The following RASAL1 variants were observed in gnomAD, a reference collection of about 807,000 sequenced individuals.
RASAL1 encodes the protein RAS protein activator like 1, also known as rasGAP-activating-like protein 1.
A neutral mutation model predicts 96.6 loss-of-function variants in RASAL1; 72 were observed. The ratio of observed to expected loss-of-function variants is 0.75; its 90% CI spans 0.62 to 0.91. The LOEUF (loss-of-function observed/expected upper bound fraction) is 0.91. RASAL1 is among the 40% of genes least tolerant of loss of function. The pLI, the probability that RASAL1 is intolerant of heterozygous loss-of-function variation, is 0.00. For missense variants in RASAL1, 1,016 were observed against 1,072.5 expected, an observed-to-expected ratio of 0.95 and a Z score of 0.74; for synonymous variants, 405 against 430.4, an observed-to-expected ratio of 0.94 and a Z score of 0.73.
intron 4 of RASAL1, among the ~76,000 whole-genome samples, chr12:113,124,686 G>T (rs1951419080): frequency 6.6e-6 from 1 of 152,196 alleles, no homozygotes; most frequent in African/African-American, 2.4e-5. Flanking sequence ...CTGTATATTG[G>T]AGATCATTCT....
chr12:113,132,296 G>A (rs1951747878), intron 1 of RASAL1, among the ~76,000 whole-genome samples: 1 of 152,036 alleles, frequency 6.6e-6, no homozygotes, highest in Admixed American at 6.6e-5. Flanking sequence ...TATGCGTTTA[G>A]TATTGTCTCC....
intron 1 of RASAL1, among the ~76,000 whole-genome samples, chr12:113,134,801 T>G (rs991328604): frequency 3.3e-5 from 5 of 152,104 alleles, no homozygotes. Flanking sequence ...GAATTGGCTC[T>G]TCAAGCAGCT....
rs781529188 is a variant in RASAL1 at position 113,107,240 on chromosome 12, G to A, written c.1514C>T (p.Ala505Val). ...GCCCAGGTTTCCAATGCTCTGCACA[G>A]CCTGGAGCAAAGAAGCGAGGGATGC... ...TSRSLLLLAKAVQSIGNLGQQ... is the reference protein window; with the variant it reads ...TSRSLLLLAKVVQSIGNLGQQ... The change falls in exon 15 of 21, where the codon GCT (alanine) becomes GTT (valine). Residue 505 changes from alanine (A) to valine (V), a missense_variant and splice_region_variant. Coordinates refer to ENST00000548055, the MANE Select transcript of RASAL1 (RefSeq NM_001301202.2). 6.3e-7 allele frequency: 1 copy of A among 1,596,658 alleles called. No individual in the cohort carries two copies. The highest frequency in any genetic ancestry group is 8.5e-7 in the Non-Finnish European group (1 of 1,170,642).
At position 113,114,905 on chromosome 12, in the gene RASAL1, C is replaced by A. The variant is rs764933227; in HGVS notation, c.1076G>T (p.Gly359Val). 1 of 1,613,516 alleles carries A rather than the reference C, an allele frequency of 6.2e-7. No homozygotes were observed. The highest frequency in any genetic ancestry group is 8.5e-7 in the Non-Finnish European group (1 of 1,179,682). The change falls in exon 12 of 21, where the codon GGC becomes GTC. Residue 359 changes from glycine to valine, a missense_variant. Coordinates refer to ENST00000548055, the MANE Select transcript of RASAL1 (RefSeq NM_001301202.2). ...KSMEQFMKLV[G>V]MPYLHEVLKP... The stretch of plus-strand genomic sequence containing the variant: ...CAGGACCTCGTGCAGGTAGGGCATG[C>A]CCACGAGCTGGGGGCAGGGGGCACC...
Position 113,104,045 on chromosome 12 carries a change from G to T in RASAL1, c.2005C>A (p.Arg669Ser). 6.6e-7 allele frequency: 1 copy of T among 1,512,740 alleles called. No homozygotes were observed. Among genetic ancestry groups the T allele is most frequent in the Non-Finnish European group, 8.9e-7 (1 of 1,121,414 alleles). 93.7% of individuals were successfully genotyped at this position (1,512,740 alleles called of 1,614,324 possible). A position where few individuals can be genotyped will look rare whatever the true frequency, so the allele number is the denominator to read the frequency against. ...NELNQWLSAL[R>S]KASAPNPNKL... Reference sequence around the variant, plus strand: ...TTCGGGTTGGGGGCGCTGGCCTTGCGCAAGGCCGAGAGCCACTGGTTGAGC... The same window carrying T: ...TTCGGGTTGGGGGCGCTGGCCTTGCTCAAGGCCGAGAGCCACTGGTTGAGC... Residue 669 changes from arginine (R) to serine (S), a missense_variant, in exon 18 of 21, where the codon CGC becomes AGC. Coordinates refer to ENST00000548055, the MANE Select transcript of RASAL1 (RefSeq NM_001301202.2).
At position 113,106,077 on chromosome 12, in the gene RASAL1, G is replaced by A. The variant is rs554148179; in HGVS notation, c.1658-191C>T. On this transcript the variant is annotated intron_variant, in intron 15 of 20. Transcript: ENST00000548055. ...GATGCAATCATGGAGGCTGGGAGGA[G>A]GGGGAGGGCAGAGTAGCCCTTGAAG... is the stretch of plus-strand genomic sequence containing the variant. Among the ~76,000 whole-genome samples the A allele has an allele frequency of 1.2e-4, 18 of 152,292 alleles. No homozygotes were observed. In the South Asian group the frequency reaches 2.9e-3, roughly 25 times the overall value.
chr12:113,112,447 CA>C (rs1187496931), intron 12 of RASAL1, among the ~76,000 whole-genome samples, 169 bp from the exon 13 acceptor site: 1 of 152,192 alleles, frequency 6.6e-6, no homozygotes, highest in Admixed American at 6.5e-5. Flanking sequence ...ACGATGAGCT[CA>C]TTCCCATCCT....
At chr12:113,127,373 T>A (rs936190623) in intron 4 of RASAL1, among the ~76,000 whole-genome samples, 6 of 152,076 alleles carry the variant, frequency 3.9e-5, no homozygotes, top group Non-Finnish European at 7.4e-5. Context: ...AGGCTGGGCA[T>A]AGTGGCTCAC....
chr12:113,123,895 A>C (rs768214714), intron 4 of RASAL1, among the ~76,000 whole-genome samples: 5 of 152,014 alleles, frequency 3.3e-5, no homozygotes, highest in Non-Finnish European at 7.4e-5. Context: ...ATGACTTGAG[A>C]TGGAAAAAAT....
rs1468110726 is a variant in RASAL1 at position 113,099,590 on chromosome 12, G to A, written c.*339C>T. Reference sequence around the variant, plus strand: ...AGGAATTCAGGTCCAGCTGTATCCAGCAGCTCAGGGCCAGGCTGGCCTCCT... The same window carrying A: ...AGGAATTCAGGTCCAGCTGTATCCAACAGCTCAGGGCCAGGCTGGCCTCCT... On this transcript the variant is annotated 3_prime_UTR_variant, in exon 21 of 21. Transcript: ENST00000548055. 3 of 219,022 alleles carry A rather than the reference G, an allele frequency of 1.4e-5. No homozygotes were observed. Among genetic ancestry groups the A allele is most frequent in the Non-Finnish European group, 2.7e-5 (3 of 111,884 alleles). 13.6% of individuals were successfully genotyped at this position (219,022 alleles called of 1,614,324 possible).
rs746359477 is a variant in RASAL1, at chr12:113,119,149, G to A, written c.621C>T (p.Gly207=). The change falls in exon 7 of 21, where the codon GGC becomes GGT. Residue 207 remains glycine (G), a synonymous_variant. Transcript: ENST00000548055. ...TCACCATGCCCAAGAAGTCATTCTTGCCCACCATGTCCCAGTCCCAGAGCT... is the reference window on the plus strand; with the variant it reads ...TCACCATGCCCAAGAAGTCATTCTTACCCACCATGTCCCAGTCCCAGAGCT... ...RVELWDWDMV[G]KNDFLGMVEF... The A allele has an allele frequency of 1.9e-6, 3 of 1,612,078 alleles. No homozygotes were observed. Among genetic ancestry groups the A allele is most frequent in the Non-Finnish European group, 1.7e-6 (2 of 1,178,772 alleles).
At chr12:113,114,499 G>A (rs1950992460) in intron 12 of RASAL1, among the ~76,000 whole-genome samples, 1 of 151,372 alleles carries the variant, frequency 6.6e-6, no homozygotes, top group Non-Finnish European at 1.5e-5. Context: ...AGAAAAAAAG[G>A]AAAAGAAAAG....
At chr12:113,100,533 A>G (rs1240408671) in intron 20 of RASAL1, 95 bp downstream of exon 20, 2 of 1,083,378 alleles carry the variant, frequency 1.8e-6, no homozygotes, top group African/African-American at 3.1e-5. Context: ...TCCTGACCTC[A>G]AGTGATCCAC....
chr12:113,115,192 C>T lies in RASAL1; in HGVS notation c.1068+8G>A. On this transcript the variant is annotated splice_region_variant and intron_variant, in intron 11 of 20. Transcript: ENST00000548055. This position sits in a 1 kb window ranked among gnomAD's most constrained non-coding sequence, Gnocchi z 4.1. Reference sequence around the variant, plus strand: ...TGCGCCTGGTCCCGCAGGCCTTCACCTACTCACCTTCATAAACTGTTCCAT... The same window carrying T: ...TGCGCCTGGTCCCGCAGGCCTTCACTTACTCACCTTCATAAACTGTTCCAT... The T allele has an allele frequency of 6.2e-7, 1 of 1,611,668 alleles. No individual in the cohort carries two copies. Among genetic ancestry groups the T allele is most frequent in the Non-Finnish European group, 8.5e-7 (1 of 1,177,802 alleles).
chr12:113,128,027 T>G, intron 3 of RASAL1, 38 bp downstream of exon 3: 1 of 1,601,008 alleles, frequency 6.2e-7, no homozygotes, highest in South Asian at 1.1e-5. Context: ...CAGGCTTGGG[T>G]CCCTAACCCA....
intron 5 of RASAL1, among the ~76,000 whole-genome samples, chr12:113,119,911 C>T (rs1731182117): frequency 6.6e-6 from 1 of 152,096 alleles, no homozygotes; most frequent in Non-Finnish European, 1.5e-5. Context: ...CTCATAGAGC[C>T]GAGGGTTAGA....
intron 5 of RASAL1, 137 bp downstream of exon 5, chr12:113,121,372 C>T: frequency 7.2e-7 from 1 of 1,397,114 alleles, no homozygotes; most frequent in Non-Finnish European, 9.7e-7. Context: ...GACTGTTTGT[C>T]CACACAGGGA....
chr12:113,111,896 G>A (rs1355820072), intron 13 of RASAL1, among the ~76,000 whole-genome samples, 190 bp downstream of exon 13: 2 of 152,154 alleles, frequency 1.3e-5, no homozygotes, highest in African/African-American at 2.4e-5. Context: ...CACTGCGCCC[G>A]GCCTATTTTT....
At chr12:113,121,108 A>G (rs2136211363) in intron 5 of RASAL1, among the ~76,000 whole-genome samples, 1 of 152,348 alleles carries the variant, frequency 6.6e-6, no homozygotes, top group East Asian at 1.9e-4. Flanking sequence ...AGCAGAGCTA[A>G]AAGACAGATT....
Sources: gnomAD v4.1 joint callset for allele counts (sites outside exome capture counted in the v4.1 genomes callset) on GRCh38, gnomAD v4.1.1 for gene constraint, Gnocchi (gnomAD v3.1) non-coding constraint, MANE v1.5 for transcripts, NCBI Gene and HGNC (gene_info 2026-07-23, HGNC 2026-07-21) for gene names.